Variants in MAF observed in about 807,000 individuals in gnomAD.
MAF encodes MAF bZIP transcription factor.
Under a neutral mutation model 22.0 loss-of-function variants are expected in MAF, and 10 were observed. The ratio of observed to expected loss-of-function variants is 0.45; its 90% CI spans 0.28 to 0.77. The LOEUF (loss-of-function observed/expected upper bound fraction) is 0.77. Ranked by LOEUF, MAF falls within the 30% of genes least tolerant of loss-of-function variation. MAF has a pLI of 0.12. For missense variants in MAF, 544 were observed against 548.4 expected (o/e 0.99, Z 0.08); for synonymous variants, 337 against 255.8 (o/e 1.32, Z -3.03).
At chr16:79,294,022 G>A in the MAF span, among the ~76,000 whole-genome samples, 6 of 152,156 alleles carry the variant, frequency 3.9e-5, no homozygotes, top group African/African-American at 1.2e-4. Context: ...AAGATACCAC[G>A]ATTGTGCAAG....
the MAF span, among the ~76,000 whole-genome samples, chr16:79,488,720 T>C: frequency 6.6e-6 from 1 of 152,194 alleles, no homozygotes; most frequent in Non-Finnish European, 1.5e-5. Flanking sequence ...TAATTTATCC[T>C]GTGTCTTGCT....
the MAF span, among the ~76,000 whole-genome samples, chr16:79,337,831 A>C: frequency 6.6e-6 from 1 of 152,210 alleles, no homozygotes; most frequent in African/African-American, 2.4e-5. Context: ...ACACAAGGCT[A>C]CTATGCCACA....
chr16:79,509,574 T>A, the MAF span, among the ~76,000 whole-genome samples: 1 of 152,308 alleles, frequency 6.6e-6, no homozygotes, highest in South Asian at 2.1e-4. Context: ...GCCTTCCCAT[T>A]CCTGGCTGGA....
At chr16:79,214,195 T>G in the MAF span, among the ~76,000 whole-genome samples, 3 of 152,160 alleles carry the variant, frequency 2.0e-5, no homozygotes, top group Non-Finnish European at 2.9e-5. Context: ...AATATTATTG[T>G]ACACATTATG....
chr16:79,581,774 T>G (rs1208241038), downstream of MAF, among the ~76,000 whole-genome samples: 1 of 152,208 alleles, frequency 6.6e-6, no homozygotes, highest in African/African-American at 2.4e-5. Flanking sequence ...CTCACCGTAC[T>G]GATGATTAAG....
At chr16:79,464,021 C>T in the MAF span, among the ~76,000 whole-genome samples, 7 of 150,894 alleles carry the variant, frequency 4.6e-5, no homozygotes, top group South Asian at 2.1e-4. Context: ...TATGTTTGGA[C>T]GGAGAAGGAA....
chr16:79,246,168 G>C, the MAF span, among the ~76,000 whole-genome samples: 1 of 151,936 alleles, frequency 6.6e-6, no homozygotes, highest in Non-Finnish European at 1.5e-5. Flanking sequence ...GAACAAACCT[G>C]CACATTCTGC....
the MAF span, among the ~76,000 whole-genome samples, chr16:79,570,662 G>A: frequency 6.6e-6 from 1 of 152,174 alleles, no homozygotes; most frequent in African/African-American, 2.4e-5. Flanking sequence ...AAGGAAACGG[G>A]CTCTGATTTT....
the MAF span, among the ~76,000 whole-genome samples, chr16:79,437,517 G>A: frequency 6.6e-6 from 1 of 152,212 alleles, no homozygotes; most frequent in Admixed American, 6.5e-5. Context: ...CAGTGAGGGA[G>A]ACAAAGGTGG....
At chr16:79,253,670 T>A in the MAF span, among the ~76,000 whole-genome samples, 1 of 152,138 alleles carries the variant, frequency 6.6e-6, no homozygotes, top group Non-Finnish European at 1.5e-5. Flanking sequence ...AGCTCCCTCC[T>A]TTCCTTGCAT....
chr16:79,373,586 T>C, the MAF span, among the ~76,000 whole-genome samples: 192 of 151,974 alleles, frequency 1.3e-3, no homozygotes, highest in African/African-American at 4.6e-3. Context: ...TTTTACCATG[T>C]TGGCTAGGCT....
the MAF span, among the ~76,000 whole-genome samples, chr16:79,419,988 C>T: frequency 1.3e-5 from 2 of 149,202 alleles, no homozygotes; most frequent in Non-Finnish European, 3.0e-5. Context: ...GACAATTTTT[C>T]AGAGGGTAAC....
At chr16:79,287,646 C>A in the MAF span, among the ~76,000 whole-genome samples, 1 of 152,234 alleles carries the variant, frequency 6.6e-6, no homozygotes, top group African/African-American at 2.4e-5. Context: ...CATGCAGAAA[C>A]ATCCACTTGT....
At chr16:79,319,679 T>C in the MAF span, among the ~76,000 whole-genome samples, 1 of 150,114 alleles carries the variant, frequency 6.7e-6, no homozygotes, top group African/African-American at 2.5e-5. Context: ...TGTATTTGCA[T>C]ATTCATTTCT....
chr16:79,227,689 ATT>A, the MAF span, among the ~76,000 whole-genome samples: 3 of 149,786 alleles, frequency 2.0e-5, no homozygotes, highest in Non-Finnish European at 4.5e-5. Context: ...TGAAGTATTG[ATT>A]TTTTTTTTGC....
At chr16:79,476,694 TA>T in the MAF span, among the ~76,000 whole-genome samples, 1 of 151,994 alleles carries the variant, frequency 6.6e-6, no homozygotes, top group African/African-American at 2.4e-5. Flanking sequence ...CTACCTATGT[TA>T]GGGGGGAAGG....
At chr16:79,480,742 G>A in the MAF span, among the ~76,000 whole-genome samples, 2 of 152,184 alleles carry the variant, frequency 1.3e-5, no homozygotes, top group Non-Finnish European at 2.9e-5. Context: ...CAAAGGCTAT[G>A]TCCCAGCAAA....
the MAF span, among the ~76,000 whole-genome samples, chr16:79,438,367 C>T: frequency 6.6e-6 from 1 of 152,164 alleles, no homozygotes; most frequent in African/African-American, 2.4e-5. Flanking sequence ...TCTTAGGCTT[C>T]GCCACAATTA....
chr16:79,316,298 C>G, the MAF span, among the ~76,000 whole-genome samples: 1 of 152,164 alleles, frequency 6.6e-6, no homozygotes, highest in Non-Finnish European at 1.5e-5. Flanking sequence ...TTCCAGAGAA[C>G]TTTCAGCTTG....
Sources: allele counts gnomAD v4.1 joint callset (sites outside exome capture counted in the v4.1 genomes callset), GRCh38; gene constraint gnomAD v4.1.1; transcripts MANE v1.5; gene names NCBI Gene and HGNC (gene_info 2026-07-23, HGNC 2026-07-21).